Variants in ADAMTS19 observed in about 807,000 individuals in gnomAD.
ADAMTS19 encodes the protein ADAM metallopeptidase with thrombospondin type 1 motif 19.
ADAMTS19 carries 93 observed loss-of-function variants against 153.3 expected under a neutral mutation model. The observed-to-expected ratio is 0.61, with a 90% CI of 0.51 to 0.72. ADAMTS19 has a LOEUF of 0.72. ADAMTS19 is among the 30% of genes least tolerant of loss of function. The probability of loss-of-function intolerance (pLI) is 0.00; values close to 1 mark genes in which losing one functional copy is unlikely to be tolerated. For synonymous variants in ADAMTS19, 600 were observed against 556.6 expected, an observed-to-expected ratio of 1.08 and a Z score of -1.10; for missense variants, 1,482 against 1,552.1, an observed-to-expected ratio of 0.95 and a Z score of 0.76.
intron 7 of ADAMTS19, among the ~76,000 whole-genome samples, chr5:129,591,331 TG>T (rs1393797348): frequency 6.6e-6 from 1 of 151,894 alleles, no homozygotes; most frequent in African/African-American, 2.4e-5. Flanking sequence ...CTTGCTCTAT[TG>T]CCCAGGCTGA....
Position 129,527,847 on chromosome 5 carries a change from G to A in ADAMTS19, c.1170+16G>A. On this transcript the variant is annotated intron_variant, in intron 5 of 22. Transcript: ENST00000274487. ...TGAAACTCCAGTAAGAAAGTCTTGAGTTTTTTATTAAATTAAATGGGGGAG... is the reference window on the plus strand; with the variant it reads ...TGAAACTCCAGTAAGAAAGTCTTGAATTTTTTATTAAATTAAATGGGGGAG... The A allele has an allele frequency of 6.6e-7, 1 of 1,516,226 alleles. No individual in the cohort carries two copies. The highest frequency in any genetic ancestry group is 1.4e-5 in the African/African-American group (1 of 72,676). 93.9% of individuals were successfully genotyped at this position (1,516,226 alleles called of 1,614,324 possible). A position where few individuals can be genotyped will look rare whatever the true frequency, so the allele number is the denominator to read the frequency against.
intron 2 of ADAMTS19, among the ~76,000 whole-genome samples, chr5:129,499,369 T>C (rs1751027804): frequency 6.6e-6 from 1 of 152,112 alleles, no homozygotes; most frequent in South Asian, 2.1e-4. Flanking sequence ...GGGGCACTCA[T>C]TTTCCACTTG....
intron 10 of ADAMTS19, among the ~76,000 whole-genome samples, chr5:129,623,467 C>G (rs1351023265): frequency 1.2e-4 from 19 of 152,046 alleles, no homozygotes; most frequent in Admixed American, 1.2e-3. Context: ...CCTATTTTAC[C>G]CAGCCACAGT....
At chr5:129,717,504 C>CA (rs1756786607) in intron 21 of ADAMTS19, among the ~76,000 whole-genome samples, 1 of 152,166 alleles carries the variant, frequency 6.6e-6, no homozygotes, top group Non-Finnish European at 1.5e-5. Context: ...TATCGTAACT[C>CA]AAACTATTTG....
chr5:129,501,798 C>T (rs979447062), intron 2 of ADAMTS19, among the ~76,000 whole-genome samples: 1 of 151,408 alleles, frequency 6.6e-6, no homozygotes, highest in Admixed American at 6.6e-5. Flanking sequence ...TGTAAACAGG[C>T]CTATTATTAT....
At chr5:129,665,311 C>T (rs1225716835) in intron 15 of ADAMTS19, among the ~76,000 whole-genome samples, 188 bp from the exon 16 acceptor site, 1 of 151,728 alleles carries the variant, frequency 6.6e-6, no homozygotes, top group Non-Finnish European at 1.5e-5. Context: ...GTGCTGTAGG[C>T]TCAACATGTT....
intron 10 of ADAMTS19, among the ~76,000 whole-genome samples, chr5:129,624,128 A>G (rs1001808661): frequency 9.0e-5 from 10 of 110,610 alleles, no homozygotes; most frequent in African/African-American, 1.2e-4. Context: ...CTCAGTCTCA[A>G]AAAAAAAAAA....
intron 7 of ADAMTS19, among the ~76,000 whole-genome samples, chr5:129,586,208 G>A (rs573322650): frequency 4.4e-4 from 67 of 152,206 alleles, no homozygotes; most frequent in Non-Finnish European, 7.5e-4. Flanking sequence ...GTTTTCATTA[G>A]AATTCAGTCT....
chr5:129,658,802 GAATTT>G (rs1167229863), intron 15 of ADAMTS19, 65 bp downstream of exon 15: 1 of 1,461,014 alleles, frequency 6.8e-7, no homozygotes, highest in African/African-American at 1.4e-5. Flanking sequence ...AGATTATATT[GAATTT>G]AACTTAAGAG....
At position 129,734,995 on chromosome 5, in the gene ADAMTS19, G is replaced by A; in HGVS notation, c.3376G>A (p.Gly1126Arg). 1 of 1,612,124 alleles carries A rather than the reference G, an allele frequency of 6.2e-7. No individual in the cohort carries two copies. The highest frequency in any genetic ancestry group is 8.5e-7 in the Non-Finnish European group (1 of 1,178,874). ...AATCCAATGCATGCATAAGATCACA[G>A]GAAGACATGGAAATGAATGTTTTTC... ...RVIQCMHKITGRHGNECFSSE... is the reference protein window; with the variant it reads ...RVIQCMHKITRRHGNECFSSE... Residue 1126 changes from glycine (G) to arginine (R), a missense_variant, in exon 22 of 23, where the codon GGA becomes AGA. Gly to Arg is a moderately radical substitution (Grantham distance 125). Transcript: ENST00000274487.
intron 16 of ADAMTS19, among the ~76,000 whole-genome samples, chr5:129,670,324 A>G (rs907747332): frequency 6.6e-6 from 1 of 152,178 alleles, no homozygotes; most frequent in Non-Finnish European, 1.5e-5. Flanking sequence ...ACAGGAAATT[A>G]TAGACTTTTT....
At chr5:129,735,236 T>G in intron 22 of ADAMTS19, 127 bp downstream of exon 22, 1 of 945,298 alleles carries the variant, frequency 1.1e-6, no homozygotes, top group Non-Finnish European at 1.4e-6. Flanking sequence ...TTGCACTAAA[T>G]TGGATCCATT....
intron 7 of ADAMTS19, among the ~76,000 whole-genome samples, chr5:129,592,710 T>G (rs1750198664): frequency 6.6e-6 from 1 of 152,142 alleles, no homozygotes; most frequent in Non-Finnish European, 1.5e-5. Context: ...AGATGGTCAC[T>G]TTAAGGGTTC....
intron 7 of ADAMTS19, among the ~76,000 whole-genome samples, 153 bp downstream of exon 7, chr5:129,552,060 C>G (rs1242104790): frequency 6.6e-6 from 1 of 151,794 alleles, no homozygotes; most frequent in Non-Finnish European, 1.5e-5. Flanking sequence ...AATCATTTGT[C>G]AGCACTTCAG....
chr5:129,463,182 TA>T lies in ADAMTS19; in HGVS notation c.747+1428del, dbSNP rs34880756. On this transcript the variant is annotated intron_variant, in intron 2 of 22. Transcript: ENST00000274487. The stretch of plus-strand genomic sequence containing the variant: ...TGTCCACTAGCTTTTGGCTGGGGAT[TA>T]AATAATCACATATAGAAAGTTCCTG... Among the ~76,000 whole-genome samples the T allele has an allele frequency of 3.3e-5, 5 of 152,314 alleles. No homozygotes were observed. In the East Asian group the frequency reaches 9.6e-4, roughly 29 times the overall value.
chr5:129,514,316 T>A (rs1056201494), intron 3 of ADAMTS19, among the ~76,000 whole-genome samples: 2 of 152,130 alleles, frequency 1.3e-5, no homozygotes, highest in African/African-American at 4.8e-5. Flanking sequence ...GCAGTGGGAT[T>A]GCTGGATCAT....
At chr5:129,479,918 T>A (rs1485348966) in intron 2 of ADAMTS19, among the ~76,000 whole-genome samples, 2 of 152,158 alleles carry the variant, frequency 1.3e-5, no homozygotes, top group African/African-American at 4.8e-5. Flanking sequence ...GGTACACTCA[T>A]TTTTTAAAAA....
At chr5:129,620,815 T>A (rs193062744) in intron 9 of ADAMTS19, 57 bp downstream of exon 9, 136 of 1,555,422 alleles carry the variant, frequency 8.7e-5, no homozygotes, top group Admixed American at 2.0e-4. Flanking sequence ...CTGTTTCTTT[T>A]TACAAATAGA....
chr5:129,658,825 T>A, intron 15 of ADAMTS19, 88 bp downstream of exon 15: 4 of 1,359,770 alleles, frequency 2.9e-6, no homozygotes, highest in Non-Finnish European at 3.9e-6. Flanking sequence ...GAGATTATAG[T>A]TCTAATTCTA....
Sources: allele counts gnomAD v4.1 joint callset (sites outside exome capture counted in the v4.1 genomes callset), GRCh38; gene constraint gnomAD v4.1.1; transcripts MANE v1.5; gene names NCBI Gene and HGNC (gene_info 2026-07-23, HGNC 2026-07-21).